KLF12: variants seen among roughly 807,000 people sequenced by gnomAD.
KLF12 encodes KLF transcription factor 12, also known as Krueppel-like factor 12.
In KLF12, 9 loss-of-function variants were observed where a neutral mutation model predicts 37.8. That is an observed-to-expected ratio of 0.24 (90% CI 0.14 to 0.42). The LOEUF (loss-of-function observed/expected upper bound fraction) is 0.42, where lower values mean the gene tolerates loss of function less well. Among genes scored for constraint, KLF12 ranks in the 10% least tolerant of loss-of-function variants. KLF12 has a pLI of 1.00. For synonymous variants in KLF12, 208 were observed against 202.1 expected (o/e 1.03, Z -0.25); for missense variants, 411 against 516.0 (o/e 0.80, Z 1.97).
chr13:73,708,542 T>G (rs978361953), intron 7 of KLF12, among the ~76,000 whole-genome samples: 3 of 152,184 alleles, frequency 2.0e-5, no homozygotes, highest in African/African-American at 7.2e-5. Context: ...CTTCAGACCC[T>G]CTTCTAGACT....
At chr13:73,977,489 A>C (rs1399739724) in intron 2 of KLF12, among the ~76,000 whole-genome samples, 2 of 152,234 alleles carry the variant, frequency 1.3e-5, no homozygotes, top group African/African-American at 4.8e-5. Context: ...CTGGTAATTT[A>C]GTATAGTGGT....
chr13:74,058,522 AT>A (rs1317539973), intron 1 of KLF12, among the ~76,000 whole-genome samples: 2 of 151,038 alleles, frequency 1.3e-5, no homozygotes, highest in South Asian at 2.1e-4. Flanking sequence ...CGCCCGGCTA[AT>A]TTTTTTGTAT....
intron 1 of KLF12, among the ~76,000 whole-genome samples, chr13:74,097,920 C>T (rs543192753): frequency 4.3e-4 from 65 of 152,100 alleles, no homozygotes; most frequent in African/African-American, 1.5e-3. Flanking sequence ...TGCAGATATT[C>T]AGAATTCAAT....
chr13:73,938,287 AAGTT>A (rs1050258399), intron 3 of KLF12, among the ~76,000 whole-genome samples: 21 of 152,206 alleles, frequency 1.4e-4, no homozygotes, highest in African/African-American at 5.1e-4. Flanking sequence ...CTGAGGAAAA[AAGTT>A]AGGCTAATTG....
chr13:73,956,772 A>AT (rs1890847693), intron 2 of KLF12, among the ~76,000 whole-genome samples: 1 of 151,790 alleles, frequency 6.6e-6, no homozygotes, highest in African/African-American at 2.4e-5. Flanking sequence ...AATAACAATA[A>AT]AAAAAACTAG....
intron 1 of KLF12, among the ~76,000 whole-genome samples, chr13:74,023,017 T>G: frequency 6.6e-6 from 1 of 152,170 alleles, no homozygotes; most frequent in East Asian, 1.9e-4. Context: ...ACAAACTGAT[T>G]CTAATGTGCA....
chr13:73,813,582 C>T (rs898975801), intron 4 of KLF12, among the ~76,000 whole-genome samples: 7 of 152,096 alleles, frequency 4.6e-5, no homozygotes, highest in African/African-American at 1.4e-4. Context: ...AAGCTGATAA[C>T]GTAGCTCCTG....
At chr13:73,763,142 T>C (rs1594062240) in intron 6 of KLF12, among the ~76,000 whole-genome samples, 1 of 152,188 alleles carries the variant, frequency 6.6e-6, no homozygotes, top group African/African-American at 2.4e-5. Flanking sequence ...CCTTCCTTTA[T>C]ATTCCACCCC....
intron 1 of KLF12, among the ~76,000 whole-genome samples, chr13:74,120,725 T>C (rs1877580300): frequency 6.6e-6 from 1 of 151,922 alleles, no homozygotes; most frequent in Admixed American, 6.6e-5. Context: ...AAGTAAAATA[T>C]ATGAAGAAAA....
At chr13:74,265,858 A>G in the KLF12 span, among the ~76,000 whole-genome samples, 2 of 152,180 alleles carry the variant, frequency 1.3e-5, no homozygotes, top group Non-Finnish European at 2.9e-5. Context: ...TAAAAGAAAA[A>G]CCAAGAGCAG....
At chr13:74,163,024 T>C in the KLF12 span, among the ~76,000 whole-genome samples, 2 of 151,774 alleles carry the variant, frequency 1.3e-5, no homozygotes, top group African/African-American at 4.8e-5. Context: ...AAGGAATTAG[T>C]AAAATAAAAA....
At chr13:73,757,341 C>T (rs531307834) in intron 6 of KLF12, among the ~76,000 whole-genome samples, 51 of 152,172 alleles carry the variant, frequency 3.4e-4, no homozygotes, top group Admixed American at 5.9e-4. Flanking sequence ...ATACGTTGCA[C>T]GCTATCTATT....
intron 7 of KLF12, among the ~76,000 whole-genome samples, chr13:73,709,697 G>C (rs1167506050): frequency 6.6e-6 from 1 of 152,160 alleles, no homozygotes; most frequent in African/African-American, 2.4e-5. Flanking sequence ...CTGCTAAGTG[G>C]ATGAATGGAT....
rs774728338 is a variant in KLF12 at position 73,845,777 on chromosome 13, G to A, written c.670+50C>T. On this transcript the variant is annotated intron_variant, in intron 4 of 7. Transcript: ENST00000377669. ...TTTAGGTTTTGTTCACTGCAAAAAT[G>A]AAGTCACCTCTAGTGCTGAAATAAA... The A allele has an allele frequency of 2.0e-6, 3 of 1,531,488 alleles. No homozygotes were observed. The Admixed American group carries it at 5.7e-5, about 29-fold the overall frequency. The allele number at this position is 1,531,488 out of a possible 1,614,324, so 94.9% of individuals were successfully genotyped here. A position where few individuals can be genotyped will look rare whatever the true frequency, so the allele number is the denominator to read the frequency against.
chr13:73,722,160 C>T (rs537696031), intron 6 of KLF12, among the ~76,000 whole-genome samples: 1 of 152,230 alleles, frequency 6.6e-6, no homozygotes, highest in Admixed American at 6.5e-5. Flanking sequence ...TTAACTTCTG[C>T]CACAGAATAC....
At chr13:74,152,308 A>C in the KLF12 span, among the ~76,000 whole-genome samples, 2 of 152,246 alleles carry the variant, frequency 1.3e-5, no homozygotes, top group African/African-American at 4.8e-5. Flanking sequence ...TATATAACTT[A>C]GGGTCCACAT....
At chr13:73,699,797 G>GT (rs1874414134) in intron 7 of KLF12, among the ~76,000 whole-genome samples, 1 of 152,142 alleles carries the variant, frequency 6.6e-6, no homozygotes, top group South Asian at 2.1e-4. Context: ...AGGGAAAACA[G>GT]CACCTGGTAG....
At chr13:73,792,629 A>T (rs1421821053) in intron 5 of KLF12, among the ~76,000 whole-genome samples, 1 of 152,186 alleles carries the variant, frequency 6.6e-6, no homozygotes, top group African/African-American at 2.4e-5. Flanking sequence ...AAAACAGTCT[A>T]TATCATGATC....
chr13:73,729,262 C>T (rs935823481), intron 6 of KLF12, among the ~76,000 whole-genome samples: 6 of 152,206 alleles, frequency 3.9e-5, no homozygotes, highest in Admixed American at 2.0e-4. Flanking sequence ...CACTCTTCTG[C>T]ATTATTGGCC....
Sources: allele counts gnomAD v4.1 joint callset (sites outside exome capture counted in the v4.1 genomes callset), GRCh38; gene constraint gnomAD v4.1.1; transcripts MANE v1.5; gene names NCBI Gene and HGNC (gene_info 2026-07-23, HGNC 2026-07-21).